Variants in RAPGEF2 observed in about 807,000 individuals in gnomAD.
The protein encoded by RAPGEF2 is PDZ domain containing guanine nucleotide exchange factor (GEF) 1.
A neutral mutation model predicts 186.7 loss-of-function variants in RAPGEF2; 54 were observed. That is an observed-to-expected ratio of 0.29 (90% CI 0.23 to 0.36). The LOEUF is 0.36. RAPGEF2 is among the 10% of genes least tolerant of loss of function. The pLI is 1.00. For missense variants in RAPGEF2, 1,532 were observed against 2,045.0 expected (o/e 0.75, Z 4.84); for synonymous variants, 712 against 705.9 (o/e 1.01, Z -0.14).
intron 28 of RAPGEF2, 143 bp from the exon 29 acceptor site, chr4:159,355,710 C>G (rs768989283): frequency 2.6e-6 from 2 of 756,660 alleles, no homozygotes; most frequent in Non-Finnish European, 4.2e-6. Flanking sequence ...TGGCCTGCCT[C>G]ACACCGCACC....
intron 1 of RAPGEF2, among the ~76,000 whole-genome samples, chr4:159,116,468 A>G (rs899410393): frequency 9.9e-5 from 15 of 152,004 alleles, no homozygotes; most frequent in African/African-American, 3.4e-4. Context: ...ATAGGAATGC[A>G]TTTGTGGAAG....
At chr4:159,273,625 A>AGTTT (rs1393467431) in intron 7 of RAPGEF2, among the ~76,000 whole-genome samples, 20 of 147,964 alleles carry the variant, frequency 1.4e-4, no homozygotes, top group African/African-American at 4.3e-4. Context: ...ATCAGTAATC[A>AGTTT]GTTTCTTTCT....
At chr4:159,304,719 G>T (rs1318168171) in intron 8 of RAPGEF2, among the ~76,000 whole-genome samples, 1 of 152,056 alleles carries the variant, frequency 6.6e-6, no homozygotes, top group Non-Finnish European at 1.5e-5. Flanking sequence ...AATTTGTGGG[G>T]TAAAAGTGTA....
At chr4:159,232,333 CTA>C (rs1752739320) in intron 4 of RAPGEF2, among the ~76,000 whole-genome samples, 1 of 152,162 alleles carries the variant, frequency 6.6e-6, no homozygotes, top group Admixed American at 6.5e-5. Context: ...CTTTCTGTCT[CTA>C]TGAATTTGCC....
chr4:159,233,197 A>G (rs1323195689), intron 4 of RAPGEF2, among the ~76,000 whole-genome samples: 2 of 152,142 alleles, frequency 1.3e-5, no homozygotes, highest in Non-Finnish European at 2.9e-5. Flanking sequence ...CCTGCTCCTC[A>G]TGCTTTTATT....
intron 7 of RAPGEF2, among the ~76,000 whole-genome samples, chr4:159,288,342 C>T (rs1033553670): frequency 6.6e-6 from 1 of 152,158 alleles, no homozygotes; most frequent in African/African-American, 2.4e-5. Flanking sequence ...TATACCTAAT[C>T]ACCTTTATGG....
chr4:159,314,695 T>G lies in RAPGEF2; in HGVS notation c.780T>G (p.Asp260Glu). 1 of 1,613,568 alleles carries G rather than the reference T, an allele frequency of 6.2e-7. No homozygotes were observed. Among genetic ancestry groups the G allele is most frequent in the Non-Finnish European group, 8.5e-7 (1 of 1,179,562 alleles). The stretch of plus-strand genomic sequence containing the variant: ...AAGAAGACATTGAGAGAGCATCAGA[T>G]CCTCTGATGAGCAGGGACATTGTGA... Reference protein sequence around the residue: ...DDEEDIERASDPLMSRDIVRD... With the variant: ...DDEEDIERASEPLMSRDIVRD... Residue 260 changes from aspartate to glutamate, a missense_variant, in exon 9 of 30, where the codon GAT (aspartate) becomes GAG (glutamate). Around this residue, in one of 4 missense-constraint regions of RAPGEF2, gnomAD observed 810 missense variants for 1,210.5 expected, o/e 0.67. Transcript: ENST00000691494.
intron 7 of RAPGEF2, among the ~76,000 whole-genome samples, chr4:159,250,950 G>T (rs1755269967): frequency 6.6e-6 from 1 of 152,234 alleles, no homozygotes; most frequent in African/African-American, 2.4e-5. Context: ...AACCTGGGCT[G>T]TGCGCCACGC....
At chr4:159,110,503 T>A (rs6814859) in intron 1 of RAPGEF2, among the ~76,000 whole-genome samples, 4 of 152,050 alleles carry the variant, frequency 2.6e-5, no homozygotes, top group African/African-American at 7.2e-5. Context: ...ACTTGAACCC[T>A]GGAGGCAGAG....
intron 26 of RAPGEF2, among the ~76,000 whole-genome samples, chr4:159,351,577 A>G (rs748558535): frequency 6.6e-6 from 1 of 152,210 alleles, no homozygotes; most frequent in Non-Finnish European, 1.5e-5. Context: ...TTTAAGTAAC[A>G]TGAGATCCCT....
rs1482557865 is a variant in RAPGEF2 at position 159,331,742 on chromosome 4, T to G, written c.1688T>G (p.Leu563Arg). The G allele has an allele frequency of 6.2e-7, 1 of 1,614,006 alleles. No individual in the cohort carries two copies. The highest frequency in any genetic ancestry group is 1.3e-5 in the African/African-American group (1 of 74,918). Reference protein sequence around the residue: ...SREAPLPFILLGGSEKGFGIF... With the variant: ...SREAPLPFILRGGSEKGFGIF... ...GAAGCTCCTTTGCCTTTTATCTTAC[T>G]TGGAGGCTCTGAGAAGGGATTTGGA... The change falls in exon 15 of 30, where the codon CTT becomes CGT. Residue 563 changes from leucine (L) to arginine (R), a missense_variant. Leu to Arg is a moderately radical substitution (Grantham distance 102). Transcript: ENST00000691494.
rs745789094 is a variant in RAPGEF2 at position 159,352,740 on chromosome 4, T to C, written c.3921T>C (p.Ser1307=). The change falls in exon 27 of 30, where the codon AGT becomes AGC. Residue 1307 remains serine (S), a synonymous_variant. Transcript: ENST00000691494. ...TVDNFSDSGH[S]EISSRSSIVS... is the part of the protein sequence containing the mutation. ...ATAATTTTTCAGATTCTGGTCACAG[T>C]GAAATTTCTTCACGATCCAGTATTG... is the stretch of plus-strand genomic sequence containing the variant. The C allele has an allele frequency of 6.2e-7, 1 of 1,614,200 alleles. No homozygotes were observed.
At chr4:159,262,119 T>TA (rs1756944246) in intron 7 of RAPGEF2, among the ~76,000 whole-genome samples, 1 of 152,196 alleles carries the variant, frequency 6.6e-6, no homozygotes, top group Admixed American at 6.5e-5. Context: ...TGGAATCACT[T>TA]ATGCATTCAT....
chr4:159,181,832 C>A (rs1747045463), intron 1 of RAPGEF2, among the ~76,000 whole-genome samples: 2 of 152,142 alleles, frequency 1.3e-5, no homozygotes, highest in Admixed American at 6.5e-5. Flanking sequence ...AGCCACCATG[C>A]CTGGCCGGGA....
At chr4:159,173,991 TTGG>T (rs773443433) in intron 1 of RAPGEF2, among the ~76,000 whole-genome samples, 5 of 152,238 alleles carry the variant, frequency 3.3e-5, no homozygotes, top group Non-Finnish European at 7.3e-5. Context: ...AGCTGTAGGC[TTGG>T]TGGTGTAATA....
chr4:159,134,231 T>C (rs976606468), intron 1 of RAPGEF2, among the ~76,000 whole-genome samples: 2 of 152,192 alleles, frequency 1.3e-5, no homozygotes, highest in African/African-American at 4.8e-5. Context: ...CATGGAGTCA[T>C]ATAGTGTACA....
chr4:159,353,815 A>C lies in RAPGEF2; in HGVS notation c.4420A>C (p.Ser1474Arg). ...CACAAAGTATAACAGGCAAAATCAA[A>C]GTAGAGAGAGCCTTGAACAAGCCCA... ...HSTKYNRQNQ[S>R]RESLEQAQSR... Residue 1474 changes from serine to arginine, a missense_variant, in exon 28 of 30, where the codon AGT (serine) becomes CGT (arginine). Transcript: ENST00000691494. This position sits in a 1 kb window ranked among gnomAD's most constrained non-coding sequence, Gnocchi z 4.3. The C allele has an allele frequency of 6.2e-7, 1 of 1,614,242 alleles. No individual in the cohort carries two copies. The highest frequency in any genetic ancestry group is 8.5e-7 in the Non-Finnish European group (1 of 1,180,044).
At position 159,136,005 on chromosome 4, in the gene RAPGEF2, A is replaced by AT. The variant is rs144164598; in HGVS notation, c.69+31777dup. Among the ~76,000 whole-genome samples, 1,288 of 152,352 alleles carry AT rather than the reference A, an allele frequency of 8.5e-3. 23 individuals carry two copies. Among genetic ancestry groups the AT allele is most frequent in the African/African-American group, 0.029 (1,224 of 41,576 alleles). ...CACTCAGATTCTCCTGCTGTTAATA[A>AT]TTTAAGTACATTTGTCAAAAGTAAG... On this transcript the variant is annotated intron_variant, in intron 1 of 29. Coordinates refer to ENST00000691494, the MANE Select transcript of RAPGEF2 (RefSeq NM_001394067.2).
At chr4:159,314,884 T>G (rs1764363952) in intron 9 of RAPGEF2, 116 bp downstream of exon 9, 1 of 1,019,298 alleles carries the variant, frequency 9.8e-7, no homozygotes, top group Admixed American at 3.1e-5. Flanking sequence ...ATTTATTAAT[T>G]TCCTTTGTAT....
Sources: allele counts gnomAD v4.1 joint callset (sites outside exome capture counted in the v4.1 genomes callset), GRCh38; gene constraint gnomAD v4.1.1; regional missense constraint gnomAD v4.1.1; non-coding constraint Gnocchi (gnomAD v3.1); transcripts MANE v1.5; gene names NCBI Gene and HGNC (gene_info 2026-07-23, HGNC 2026-07-21).